SLC30A8: variants seen among roughly 807,000 people sequenced by gnomAD.
SLC30A8 encodes proton-coupled zinc antiporter SLC30A8.
A neutral mutation model predicts 36.9 loss-of-function variants in SLC30A8; 27 were observed. That is an observed-to-expected ratio of 0.73 (90% CI 0.54 to 1.01). The LOEUF is 1.01. Ranked by LOEUF, SLC30A8 falls within the 50% of genes least tolerant of loss-of-function variation. The probability of loss-of-function intolerance (pLI) is 0.00; values close to 1 mark genes in which losing one functional copy is unlikely to be tolerated. For missense variants in SLC30A8, 439 were observed against 452.0 expected, an observed-to-expected ratio of 0.97 and a Z score of 0.26; for synonymous variants, 164 against 172.4, an observed-to-expected ratio of 0.95 and a Z score of 0.38.
chr8:117,104,954 AG>A (rs1217095736), intron 2 of SLC30A8, among the ~76,000 whole-genome samples: 11 of 152,030 alleles, frequency 7.2e-5, no homozygotes, highest in Admixed American at 1.3e-4. Context: ...GGCACTGGTG[AG>A]GGTGTCTTTT....
chr8:117,094,009 G>A (rs1258078826), intron 2 of SLC30A8, among the ~76,000 whole-genome samples: 2 of 152,230 alleles, frequency 1.3e-5, no homozygotes, highest in Non-Finnish European at 2.9e-5. Flanking sequence ...CATCCTGCAA[G>A]CAGCTTCCAT....
At chr8:117,041,077 C>T (rs995855082) in intron 2 of SLC30A8, among the ~76,000 whole-genome samples, 2 of 152,202 alleles carry the variant, frequency 1.3e-5, no homozygotes, top group Non-Finnish European at 2.9e-5. Context: ...ATGCTGGATT[C>T]CGCGGTGCCA....
At chr8:117,000,791 C>T (rs1254804777) in intron 1 of SLC30A8, among the ~76,000 whole-genome samples, 5 of 152,220 alleles carry the variant, frequency 3.3e-5, no homozygotes, top group East Asian at 3.9e-4. Flanking sequence ...CGTTACTACA[C>T]GGTGGCTGTG....
chr8:117,014,533 A>G (rs911697012), intron 1 of SLC30A8, among the ~76,000 whole-genome samples: 4 of 152,190 alleles, frequency 2.6e-5, no homozygotes, highest in Admixed American at 6.5e-5. Context: ...TGAAAAATAT[A>G]GGATGGTCTT....
Position 117,173,371 on chromosome 8 carries a change from A to G in SLC30A8, c.*690A>G, listed in dbSNP as rs1487941139. The G allele has an allele frequency of 2.6e-5, 4 of 152,284 alleles. No homozygotes were observed. Among genetic ancestry groups the G allele is most frequent in the Admixed American group, 1.3e-4 (2 of 15,294 alleles). 9.4% of individuals were successfully genotyped at this position (152,284 alleles called of 1,614,324 possible). On this transcript the variant is annotated 3_prime_UTR_variant, in exon 8 of 8. Transcript: ENST00000456015. ...ATATTTTCACCTACCAGAGTGCTTA[A>G]ACACTGGCACCAGCCAAAGAATGTG... is the stretch of plus-strand genomic sequence containing the variant.
intron 5 of SLC30A8, 90 bp downstream of exon 5, chr8:117,161,978 C>A: frequency 8.4e-7 from 1 of 1,195,156 alleles, no homozygotes. Flanking sequence ...AGAGAATGGG[C>A]ATCCTCTGTT....
At chr8:117,030,575 T>C (rs1023906573) in intron 1 of SLC30A8, among the ~76,000 whole-genome samples, 2 of 152,214 alleles carry the variant, frequency 1.3e-5, no homozygotes, top group Non-Finnish European at 2.9e-5. Flanking sequence ...TCTGCCTGGG[T>C]GCAGTGTTAA....
Position 117,175,140 on chromosome 8 carries a change from G to C in SLC30A8, c.*2459G>C, listed in dbSNP as rs1391317928. On this transcript the variant is annotated 3_prime_UTR_variant, in exon 8 of 8. Coordinates refer to ENST00000456015, the MANE Select transcript of SLC30A8 (RefSeq NM_173851.3). ...TTTTTTTGTTATTGTTATACTTTAA[G>C]TTCTGGGGTACATGTGCGGAACATG... The C allele has an allele frequency of 6.6e-6, 1 of 152,080 alleles. No homozygotes were observed. The highest frequency in any genetic ancestry group is 1.9e-4 in the East Asian group (1 of 5,178). 9.4% of individuals were successfully genotyped at this position (152,080 alleles called of 1,614,324 possible).
At chr8:117,075,907 C>T (rs557049865) in intron 2 of SLC30A8, among the ~76,000 whole-genome samples, 6 of 152,262 alleles carry the variant, frequency 3.9e-5, no homozygotes, top group African/African-American at 1.4e-4. Flanking sequence ...TCTCATCTTC[C>T]AGCCTTTCGG....
chr8:117,076,305 A>G (rs189831679), intron 2 of SLC30A8, among the ~76,000 whole-genome samples: 6 of 152,258 alleles, frequency 3.9e-5, no homozygotes, highest in African/African-American at 1.4e-4. Flanking sequence ...GGAGAAGTCT[A>G]TTTTTCTGTA....
chr8:116,979,580 TG>T (rs1489219400), intron 1 of SLC30A8, among the ~76,000 whole-genome samples: 13 of 152,194 alleles, frequency 8.5e-5, no homozygotes, highest in African/African-American at 3.1e-4. Flanking sequence ...TGAAAATTTC[TG>T]GACCAAGTTT....
At chr8:117,003,457 T>C (rs1689312209) in intron 1 of SLC30A8, among the ~76,000 whole-genome samples, 2 of 152,180 alleles carry the variant, frequency 1.3e-5, no homozygotes, top group Non-Finnish European at 2.9e-5. Flanking sequence ...ACATAAAGCT[T>C]TGTGTATGGT....
rs530394243 is a variant in SLC30A8, at chr8:117,013,473, A to G, written c.-265-25746A>G. Among the ~76,000 whole-genome samples, 6 of 152,332 alleles carry G rather than the reference A, an allele frequency of 3.9e-5. No homozygotes were observed. In the East Asian group the frequency reaches 1.2e-3, roughly 29 times the overall value. On this transcript the variant is annotated intron_variant, in intron 1 of 10. Transcript: ENST00000427715. The stretch of plus-strand genomic sequence containing the variant: ...TAGGCACCCCTTTTGAGCAGCACCT[A>G]GCATTGCTCTAGGGTAGATAAAAGA...
At chr8:117,116,681 T>C (rs1820459969) in intron 2 of SLC30A8, among the ~76,000 whole-genome samples, 1 of 152,056 alleles carries the variant, frequency 6.6e-6, no homozygotes, top group African/African-American at 2.4e-5. Flanking sequence ...AACCTGTCTG[T>C]CCTTGAAGTT....
chr8:117,096,851 C>A (rs1006721139), intron 2 of SLC30A8, among the ~76,000 whole-genome samples: 2 of 152,050 alleles, frequency 1.3e-5, no homozygotes, highest in African/African-American at 4.8e-5. Flanking sequence ...TCTTTGAAGC[C>A]TGCACCTCTC....
chr8:117,137,857 G>T (rs1029967315), intron 1 of SLC30A8, among the ~76,000 whole-genome samples: 10 of 151,848 alleles, frequency 6.6e-5, no homozygotes, highest in Non-Finnish European at 1.5e-4. Flanking sequence ...CAGATTCCAT[G>T]GGTGAGGCAA....
intron 2 of SLC30A8, among the ~76,000 whole-genome samples, chr8:117,116,798 A>T (rs1166729659): frequency 1.1e-4 from 16 of 152,098 alleles, no homozygotes. Flanking sequence ...CATAGGAGAC[A>T]GTGACTTCAT....
chr8:117,048,686 G>T (rs1817622386), intron 2 of SLC30A8, among the ~76,000 whole-genome samples: 2 of 152,276 alleles, frequency 1.3e-5, no homozygotes, highest in South Asian at 4.1e-4. Flanking sequence ...AAACAAAAAT[G>T]CTGACTATTG....
At chr8:116,964,664 C>G (rs1030364473) in intron 1 of SLC30A8, among the ~76,000 whole-genome samples, 2 of 152,140 alleles carry the variant, frequency 1.3e-5, no homozygotes, top group Non-Finnish European at 2.9e-5. Flanking sequence ...TGAGCTCACA[C>G]AGCAGGCACA....
Sources: allele counts gnomAD v4.1 joint callset (sites outside exome capture counted in the v4.1 genomes callset), GRCh38; gene constraint gnomAD v4.1.1; transcripts MANE v1.5; gene names NCBI Gene and HGNC (gene_info 2026-07-23, HGNC 2026-07-21).